Variants in TMCC1 observed in about 807,000 individuals in gnomAD.
The protein encoded by TMCC1 is transmembrane and coiled-coil domain family 1, also known as transmembrane and coiled-coil domains protein 1.
TMCC1 carries 15 observed loss-of-function variants against 52.4 expected under a neutral mutation model. The ratio of observed to expected loss-of-function variants is 0.29; its 90% CI spans 0.19 to 0.44. The LOEUF (loss-of-function observed/expected upper bound fraction) is 0.44. Among genes scored for constraint, TMCC1 ranks in the 20% least tolerant of loss-of-function variants. The pLI is 1.00. For missense variants in TMCC1, 503 were observed against 806.0 expected, an observed-to-expected ratio of 0.62 and a Z score of 4.55; for synonymous variants, 279 against 301.9, an observed-to-expected ratio of 0.92 and a Z score of 0.79.
intron 2 of TMCC1, among the ~76,000 whole-genome samples, chr3:129,846,260 C>A (rs2059660527): frequency 6.6e-6 from 1 of 152,066 alleles, no homozygotes; most frequent in Non-Finnish European, 1.5e-5. Flanking sequence ...GTGGCACATG[C>A]CTATAGTCCC....
intron 4 of TMCC1, among the ~76,000 whole-genome samples, chr3:129,813,238 T>A (rs2057919537): frequency 6.6e-6 from 1 of 152,238 alleles, no homozygotes; most frequent in Admixed American, 6.5e-5. Context: ...CCAGCCATTA[T>A]GGAAAGCAGT....
At chr3:129,885,373 A>AG (rs1421002821) in intron 1 of TMCC1, among the ~76,000 whole-genome samples, 1 of 152,018 alleles carries the variant, frequency 6.6e-6, no homozygotes, top group Non-Finnish European at 1.5e-5. Flanking sequence ...GGATCACCTG[A>AG]GGTCAGGAGT....
intron 4 of TMCC1, chr3:129,688,522 C>G: frequency 1.0e-6 from 1 of 985,504 alleles, no homozygotes; most frequent in Non-Finnish European, 1.2e-6. Flanking sequence ...CAGGTACAGC[C>G]GCACCACATT....
intron 4 of TMCC1, among the ~76,000 whole-genome samples, chr3:129,714,999 T>C (rs2048964058): frequency 6.6e-6 from 1 of 152,190 alleles, no homozygotes; most frequent in Admixed American, 6.5e-5. Flanking sequence ...AGCAAACTGA[T>C]TTTAAATCAG....
chr3:129,794,840 C>T (rs1347407443), intron 4 of TMCC1, among the ~76,000 whole-genome samples: 1 of 152,150 alleles, frequency 6.6e-6, no homozygotes, highest in Admixed American at 6.5e-5. Flanking sequence ...GCCGTCCCAG[C>T]AGCAGAGAGT....
Position 129,670,897 on chromosome 3 carries a change from G to A in TMCC1, c.944C>T (p.Pro315Leu). The A allele has an allele frequency of 6.2e-7, 1 of 1,614,116 alleles. No homozygotes were observed. Among genetic ancestry groups the A allele is most frequent in the Non-Finnish European group, 8.5e-7 (1 of 1,180,020 alleles). ...CCTGAAGACATCCTTTGGCTGCCGGGGGATCCCATTCTGCTCTACCTCTCT... is the reference window on the plus strand; with the variant it reads ...CCTGAAGACATCCTTTGGCTGCCGGAGGATCCCATTCTGCTCTACCTCTCT... ...KLREVEQNGI[P>L]RQPKDVFRDM... Residue 315 changes from proline (P) to leucine (L), a missense_variant, in exon 5 of 7, where the codon CCC (proline) becomes CTC (leucine). Pro to Leu is a moderately conservative substitution (Grantham distance 98). This residue lies in a region of TMCC1 where 73 missense variants were observed against 182.9 expected (regional missense o/e 0.40). Coordinates refer to ENST00000393238, the MANE Select transcript of TMCC1 (RefSeq NM_001017395.5).
At chr3:129,782,570 T>C (rs1417234248) in intron 4 of TMCC1, among the ~76,000 whole-genome samples, 1 of 152,146 alleles carries the variant, frequency 6.6e-6, no homozygotes, top group East Asian at 1.9e-4. Flanking sequence ...TATTTTACGG[T>C]CTTCAAAGCT....
At chr3:129,849,010 T>C (rs1440428572) in intron 2 of TMCC1, among the ~76,000 whole-genome samples, 1 of 152,218 alleles carries the variant, frequency 6.6e-6, no homozygotes, top group Non-Finnish European at 1.5e-5. Context: ...AATATGCACA[T>C]GGAAAACACT....
intron 4 of TMCC1, among the ~76,000 whole-genome samples, chr3:129,692,625 C>T (rs1475851187): frequency 1.3e-5 from 2 of 152,274 alleles, no homozygotes; most frequent in South Asian, 2.1e-4. Context: ...TGCTAAGATG[C>T]TTGTGTATGA....
At chr3:129,827,219 T>C (rs936225627) in intron 4 of TMCC1, among the ~76,000 whole-genome samples, 4 of 152,150 alleles carry the variant, frequency 2.6e-5, no homozygotes, top group African/African-American at 9.7e-5. Flanking sequence ...GAGAGTTATA[T>C]GGAAAAAGTT....
intron 5 of TMCC1, among the ~76,000 whole-genome samples, chr3:129,661,351 G>A (rs1442750200): frequency 2.6e-5 from 4 of 152,086 alleles, no homozygotes; most frequent in East Asian, 1.9e-4. Context: ...ACTTGAGCCC[G>A]AGAGGTCAAG....
At chr3:129,679,228 A>C (rs1189725844) in intron 4 of TMCC1, among the ~76,000 whole-genome samples, 1 of 152,220 alleles carries the variant, frequency 6.6e-6, no homozygotes, top group Non-Finnish European at 1.5e-5. Context: ...AGACACCTGC[A>C]CGGCTTGCTC....
chr3:129,815,680 G>A (rs2058062022), intron 4 of TMCC1, among the ~76,000 whole-genome samples: 1 of 152,100 alleles, frequency 6.6e-6, no homozygotes, highest in South Asian at 2.1e-4. Flanking sequence ...ACAGGACATT[G>A]GTCTGGACAA....
chr3:129,866,327 T>C (rs1170058987), intron 2 of TMCC1, among the ~76,000 whole-genome samples: 1 of 143,044 alleles, frequency 7.0e-6, no homozygotes, highest in Non-Finnish European at 1.5e-5. Context: ...TATATACATA[T>C]ATACATAATA....
intron 4 of TMCC1, among the ~76,000 whole-genome samples, chr3:129,795,231 G>A (rs2056744442): frequency 6.6e-6 from 1 of 152,212 alleles, no homozygotes. Flanking sequence ...GAACAGCTCA[G>A]AGTGAATCAA....
chr3:129,890,407 T>C (rs1392366711), intron 1 of TMCC1, among the ~76,000 whole-genome samples: 1 of 152,264 alleles, frequency 6.6e-6, no homozygotes, highest in African/African-American at 2.4e-5. Flanking sequence ...ACAGTATGTA[T>C]GTGAGCCCAA....
intron 4 of TMCC1, among the ~76,000 whole-genome samples, chr3:129,771,148 G>C (rs2054547505): frequency 6.6e-6 from 1 of 152,132 alleles, no homozygotes; most frequent in African/African-American, 2.4e-5. Flanking sequence ...AGATTTGGTA[G>C]CATCTGGTCT....
intron 4 of TMCC1, among the ~76,000 whole-genome samples, chr3:129,715,115 CT>C (rs997164201): frequency 8.6e-5 from 13 of 151,996 alleles, no homozygotes; most frequent in African/African-American, 1.4e-4. Flanking sequence ...CCCACTCTTC[CT>C]TTTTTTTCTC....
chr3:129,741,719 T>C (rs1042065561), intron 4 of TMCC1, among the ~76,000 whole-genome samples: 1 of 152,162 alleles, frequency 6.6e-6, no homozygotes, highest in African/African-American at 2.4e-5. Flanking sequence ...CTTAAACTTG[T>C]CTCCATTTCT....
Sources: allele counts gnomAD v4.1 joint callset (sites outside exome capture counted in the v4.1 genomes callset), GRCh38; gene constraint gnomAD v4.1.1; regional missense constraint gnomAD v4.1.1; transcripts MANE v1.5; gene names NCBI Gene and HGNC (gene_info 2026-07-23, HGNC 2026-07-21).